The following NBAS variants were observed in gnomAD, a reference collection of about 807,000 sequenced individuals.
The protein encoded by NBAS is NAG/BC035112 fusion.
NBAS carries 219 observed loss-of-function variants against 302.5 expected under a neutral mutation model. The observed-to-expected ratio is 0.72, with a 90% CI of 0.65 to 0.81. The LOEUF (loss-of-function observed/expected upper bound fraction) is 0.81, where lower values mean the gene tolerates loss of function less well. Among genes scored for constraint, NBAS ranks in the 30% least tolerant of loss-of-function variants. The pLI is 0.00. For missense variants in NBAS, 2,932 were observed against 2,841.6 expected, an observed-to-expected ratio of 1.03 and a Z score of -0.72; for synonymous variants, 1,118 against 1,021.6, an observed-to-expected ratio of 1.09 and a Z score of -1.80.
chr2:15,199,126 CAAAAAAAAAA>C (rs71400641), intron 48 of NBAS, among the ~76,000 whole-genome samples: 1 of 75,282 alleles, frequency 1.3e-5, no homozygotes, highest in African/African-American at 5.1e-5. Context: ...GACTCCATCT[CAAAAAAAAAA>C]AAAAAAAAAG....
At chr2:14,974,927 G>T in the NBAS span, among the ~76,000 whole-genome samples, 1 of 152,204 alleles carries the variant, frequency 6.6e-6, no homozygotes, top group Non-Finnish European at 1.5e-5. Flanking sequence ...GCAGAAGGAA[G>T]GGTCAGAGAG....
At chr2:15,476,969 A>G (rs1364040795) in intron 13 of NBAS, among the ~76,000 whole-genome samples, 1 of 152,224 alleles carries the variant, frequency 6.6e-6, no homozygotes, top group Non-Finnish European at 1.5e-5. Context: ...GAAAATAAAA[A>G]GCATTAACAA....
the NBAS span, among the ~76,000 whole-genome samples, chr2:14,934,068 T>C: frequency 2.6e-5 from 4 of 152,104 alleles, no homozygotes; most frequent in Admixed American, 6.5e-5. Flanking sequence ...GAAATTGAAA[T>C]CCTAAGATCC....
At chr2:15,302,907 G>C (rs973109515) in intron 40 of NBAS, among the ~76,000 whole-genome samples, 1 of 152,198 alleles carries the variant, frequency 6.6e-6, no homozygotes, top group Non-Finnish European at 1.5e-5. Context: ...TCCCATGCTG[G>C]ATGCTTCCTG....
At chr2:14,917,824 G>T in the NBAS span, among the ~76,000 whole-genome samples, 1 of 152,308 alleles carries the variant, frequency 6.6e-6, no homozygotes, top group East Asian at 1.9e-4. Context: ...TACTTAGGGA[G>T]AACAGCAGCT....
intron 17 of NBAS, 117 bp downstream of exon 17, chr2:15,468,265 C>A: frequency 8.0e-7 from 1 of 1,244,204 alleles, no homozygotes; most frequent in Non-Finnish European, 1.2e-6. Flanking sequence ...TGATCAAAAG[C>A]AACTGCTTCA....
the NBAS span, among the ~76,000 whole-genome samples, chr2:15,125,946 G>A: frequency 1.3e-5 from 2 of 152,160 alleles, no homozygotes; most frequent in African/African-American, 4.8e-5. Context: ...TGCCATGTGA[G>A]AAGGACATGA....
chr2:14,795,232 T>G, the NBAS span, among the ~76,000 whole-genome samples: 5,409 of 152,202 alleles, frequency 0.036, 310 homozygotes, highest in African/African-American at 0.12. Context: ...CAGTGTAAGA[T>G]AGTTACAGTT....
intron 12 of NBAS, among the ~76,000 whole-genome samples, chr2:15,486,224 G>A (rs775327015): frequency 5.3e-5 from 8 of 152,174 alleles, no homozygotes; most frequent in African/African-American, 1.7e-4. Flanking sequence ...TGGCAACTAC[G>A]TCCATGGTTT....
intron 13 of NBAS, among the ~76,000 whole-genome samples, chr2:15,477,730 C>G (rs1680251737): frequency 6.6e-6 from 1 of 152,166 alleles, no homozygotes; most frequent in South Asian, 2.1e-4. Flanking sequence ...TATAATATCT[C>G]TGTTTCAATC....
chr2:15,191,073 A>G (rs1445302141), intron 48 of NBAS, among the ~76,000 whole-genome samples: 2 of 152,202 alleles, frequency 1.3e-5, no homozygotes, highest in Non-Finnish European at 2.9e-5. Context: ...AATGTATGCT[A>G]TTTTAGGTTA....
chr2:15,070,130 G>A, the NBAS span, among the ~76,000 whole-genome samples: 2 of 152,158 alleles, frequency 1.3e-5, no homozygotes, highest in South Asian at 2.1e-4. Context: ...TTACAGTGTG[G>A]TACTAGTTGT....
the NBAS span, among the ~76,000 whole-genome samples, chr2:15,110,691 A>G: frequency 6.6e-6 from 1 of 152,098 alleles, no homozygotes; most frequent in African/African-American, 2.4e-5. Flanking sequence ...TCAACATGAG[A>G]AAAAAATACC....
At chr2:14,932,043 A>C in the NBAS span, among the ~76,000 whole-genome samples, 1 of 152,244 alleles carries the variant, frequency 6.6e-6, no homozygotes, top group Non-Finnish European at 1.5e-5. Flanking sequence ...ATCACCTTAC[A>C]GCAGAAATGT....
chr2:14,873,917 A>G, the NBAS span, among the ~76,000 whole-genome samples: 5 of 152,154 alleles, frequency 3.3e-5, no homozygotes, highest in Non-Finnish European at 7.4e-5. Context: ...ATAAGAGCAA[A>G]TTAAGCACAA....
chr2:15,102,961 A>G, the NBAS span, among the ~76,000 whole-genome samples: 1 of 131,308 alleles, frequency 7.6e-6, no homozygotes, highest in African/African-American at 3.0e-5. Flanking sequence ...GGAGGGCTAC[A>G]TGGGGAGGCA....
chr2:15,493,297 A>G (rs137958326), intron 11 of NBAS, among the ~76,000 whole-genome samples: 139 of 152,344 alleles, frequency 9.1e-4, no homozygotes, highest in African/African-American at 3.2e-3. Flanking sequence ...AAATTGACTA[A>G]TACAGTGGGC....
intron 51 of NBAS, among the ~76,000 whole-genome samples, chr2:15,171,942 G>A (rs1242207405): frequency 3.3e-5 from 5 of 152,200 alleles, no homozygotes; most frequent in Non-Finnish European, 7.3e-5. Context: ...CTCCAAAACT[G>A]TAGGAAAATA....
chr2:15,121,129 T>G, the NBAS span, among the ~76,000 whole-genome samples: 1 of 152,224 alleles, frequency 6.6e-6, no homozygotes, highest in African/African-American at 2.4e-5. Flanking sequence ...CCAGCCCATA[T>G]GTCTACCAAT....
Sources: allele counts gnomAD v4.1 joint callset (sites outside exome capture counted in the v4.1 genomes callset), GRCh38; gene constraint gnomAD v4.1.1; transcripts MANE v1.5; gene names NCBI Gene and HGNC (gene_info 2026-07-23, HGNC 2026-07-21).